The following RSBN1L variants were observed in gnomAD, a reference collection of about 807,000 sequenced individuals.
RSBN1L encodes the protein lysine-specific demethylase RSBN1L.
In RSBN1L, 30 loss-of-function variants were observed where a neutral mutation model predicts 67.7. The ratio of observed to expected loss-of-function variants is 0.44; its 90% CI spans 0.33 to 0.60. The LOEUF (loss-of-function observed/expected upper bound fraction) is 0.60. Among genes scored for constraint, RSBN1L ranks in the 20% least tolerant of loss-of-function variants. The pLI is 0.02. For missense variants in RSBN1L, 992 were observed against 1,031.7 expected (o/e 0.96, Z 0.53); for synonymous variants, 433 against 387.0 (o/e 1.12, Z -1.39).
chr7:77,776,636 A>C (rs186954051), intron 6 of RSBN1L, among the ~76,000 whole-genome samples: 25 of 152,280 alleles, frequency 1.6e-4, no homozygotes, highest in African/African-American at 6.0e-4. Context: ...GTTATTCTTG[A>C]TGAATTGGCC....
intron 3 of RSBN1L, among the ~76,000 whole-genome samples, chr7:77,751,290 C>CCACCATGCCTG (rs148081411): frequency 0.18 from 26,598 of 151,816 alleles, 2,780 homozygotes; most frequent in African/African-American, 0.29. Flanking sequence ...CAGACATGCA[C>CCACCATGCCTG]CACCATGCCT....
intron 4 of RSBN1L, among the ~76,000 whole-genome samples, chr7:77,767,814 GC>G (rs1286510025): frequency 2.3e-5 from 1 of 42,640 alleles, no homozygotes; most frequent in Non-Finnish European, 4.3e-5. Context: ...CCCTTCCTCT[GC>G]CCCCTCCCCC....
chr7:77,748,528 C>G (rs1791513106), intron 2 of RSBN1L, among the ~76,000 whole-genome samples: 1 of 152,100 alleles, frequency 6.6e-6, no homozygotes, highest in Non-Finnish European at 1.5e-5. Flanking sequence ...CGCTGTGTCA[C>G]CCAGGCTGGA....
Position 77,751,844 on chromosome 7 carries a change from C to T in RSBN1L, c.1344+1780C>T, listed in dbSNP as rs115439239. 4.0e-3 allele frequency among the ~76,000 whole-genome samples: 612 copies of T among 152,256 alleles called. 7 individuals are homozygous for T. The highest frequency in any genetic ancestry group is 0.014 in the African/African-American group (597 of 41,538). On this transcript the variant is annotated intron_variant, in intron 3 of 7. Transcript: ENST00000334955. ...GTTTATTGCATGTCTCCTAAATGTCCGGTTTTCTATTGGGCCTCTTGGCTC... is the reference window on the plus strand; with the variant it reads ...GTTTATTGCATGTCTCCTAAATGTCTGGTTTTCTATTGGGCCTCTTGGCTC...
rs757741343 is a variant in RSBN1L, at chr7:77,696,989, G to T, written c.520G>T (p.Gly174Cys). The T allele has an allele frequency of 1.3e-6, 2 of 1,544,258 alleles. No homozygotes were observed. Among genetic ancestry groups the T allele is most frequent in the Non-Finnish European group, 1.7e-6 (2 of 1,152,532 alleles). The part of the protein sequence containing the change: ...REKERRRHGL[G>C]GAREAGGASR... ...GAAGGAGAGGAGGAGGCACGGTCTCGGTGGGGCCCGAGAGGCCGGCGGGGC... is the reference window on the plus strand; with the variant it reads ...GAAGGAGAGGAGGAGGCACGGTCTCTGTGGGGCCCGAGAGGCCGGCGGGGC... The change falls in exon 1 of 8, where the codon GGT (glycine) becomes TGT (cysteine). Residue 174 changes from glycine to cysteine, a missense_variant. Physicochemically the swap from Gly to Cys is radical, Grantham distance 159. Around this residue, in one of 7 missense-constraint regions of RSBN1L, gnomAD observed 575 missense variants for 483.2 expected, o/e 1.19. Transcript: ENST00000334955.
intron 6 of RSBN1L, among the ~76,000 whole-genome samples, chr7:77,777,676 A>G (rs932391632): frequency 2.0e-5 from 3 of 151,984 alleles, no homozygotes; most frequent in Non-Finnish European, 4.4e-5. Flanking sequence ...AAATTTAGTT[A>G]TGATTTGCCT....
In RSBN1L at chr7:77,779,652, T is replaced by G. The variant is rs1055115909; in HGVS notation, c.*484T>G. 1.3e-5 allele frequency: 2 copies of G among 152,158 alleles called. No individual in the cohort carries two copies. Among genetic ancestry groups the G allele is most frequent in the African/African-American group, 4.8e-5 (2 of 41,382 alleles). The allele number at this position is 152,158 out of a possible 1,614,324, so 9.4% of individuals were successfully genotyped here. A position where few individuals can be genotyped will look rare whatever the true frequency, so the allele number is the denominator to read the frequency against. On this transcript the variant is annotated 3_prime_UTR_variant, in exon 8 of 8. Coordinates refer to ENST00000334955, the MANE Select transcript of RSBN1L (RefSeq NM_198467.3). ...CACTTAATAAAGGTTCATATGTTCA[T>G]ATTAATAAATATGTTTTCTGTTGAG...
chr7:77,723,457 A>G (rs1423952251), intron 1 of RSBN1L, among the ~76,000 whole-genome samples: 4 of 152,118 alleles, frequency 2.6e-5, no homozygotes, highest in Non-Finnish European at 5.9e-5. Context: ...TACATATATA[A>G]TTTATTTTTT....
intron 1 of RSBN1L, among the ~76,000 whole-genome samples, chr7:77,721,588 G>A (rs1467493670): frequency 2.0e-5 from 3 of 152,270 alleles, no homozygotes; most frequent in African/African-American, 4.8e-5. Context: ...TAGGATTTGG[G>A]CAGGAGGAAT....
intron 1 of RSBN1L, among the ~76,000 whole-genome samples, chr7:77,725,795 G>T (rs552455552): frequency 3.9e-4 from 59 of 151,284 alleles, no homozygotes; most frequent in African/African-American, 1.3e-3. Context: ...TCTCCATGTT[G>T]GTCAGGTTGG....
Position 77,696,697 on chromosome 7 carries a change from G to T in RSBN1L, c.228G>T (p.Ser76=), listed in dbSNP as rs751612900. ...SRQLQPPAAP[S]PQSYGSPASW... is the part of the protein sequence containing the mutation. ...AGCTGCAGCCGCCGGCAGCACCTTC[G>T]CCTCAGAGCTATGGCAGCCCCGCGT... Residue 76 remains serine (S), a synonymous_variant, in exon 1 of 8, where the codon TCG becomes TCT. Transcript: ENST00000334955. The T allele has an allele frequency of 6.2e-7, 1 of 1,612,878 alleles. No homozygotes were observed. The highest frequency in any genetic ancestry group is 1.1e-5 in the South Asian group (1 of 91,052).
chr7:77,745,932 G>A (rs1791478184), intron 2 of RSBN1L, among the ~76,000 whole-genome samples: 1 of 152,046 alleles, frequency 6.6e-6, no homozygotes, highest in African/African-American at 2.4e-5. Flanking sequence ...TTCATAATAG[G>A]GTTCACCCTC....
intron 3 of RSBN1L, among the ~76,000 whole-genome samples, chr7:77,764,544 C>A (rs964182481): frequency 6.6e-6 from 1 of 152,044 alleles, no homozygotes; most frequent in African/African-American, 2.4e-5. Flanking sequence ...GCTCAAGGAA[C>A]GCAAATGATT....
chr7:77,727,820 T>C (rs1167304529), intron 1 of RSBN1L, among the ~76,000 whole-genome samples: 3 of 152,170 alleles, frequency 2.0e-5, no homozygotes, highest in Admixed American at 2.0e-4. Flanking sequence ...TCCACATACC[T>C]TAGTTAAAAC....
At chr7:77,761,309 C>T (rs764748625) in intron 3 of RSBN1L, among the ~76,000 whole-genome samples, 1 of 152,080 alleles carries the variant, frequency 6.6e-6, no homozygotes, top group Admixed American at 6.5e-5. Flanking sequence ...AGAGTAGTTA[C>T]GATTGTGCCT....
chr7:77,768,464 T>C lies in RSBN1L; in HGVS notation c.1483-197T>C, dbSNP rs1791803621. 4 of 538,282 alleles carry C rather than the reference T, an allele frequency of 7.4e-6. No individual in the cohort carries two copies. In the Admixed American group the frequency reaches 1.2e-4, roughly 17 times the overall value. The allele number at this position is 538,282 out of a possible 1,614,324, so 33.3% of individuals were successfully genotyped here. On this transcript the variant is annotated intron_variant, in intron 4 of 7. Coordinates refer to ENST00000334955, the MANE Select transcript of RSBN1L (RefSeq NM_198467.3). ...CAGAACCATCCAAGCATAATTATTT[T>C]CTTGGTGTGTTTGAAACAGTTTTTT...
intron 1 of RSBN1L, 34 bp downstream of exon 1, chr7:77,697,089 G>A: frequency 7.4e-7 from 1 of 1,347,434 alleles, no homozygotes; most frequent in Non-Finnish European, 9.5e-7. Flanking sequence ...AGGGGAGGGC[G>A]CCGTGGGTCC....
chr7:77,756,469 C>A (rs768982259), intron 3 of RSBN1L, among the ~76,000 whole-genome samples: 2 of 151,920 alleles, frequency 1.3e-5, no homozygotes, highest in Non-Finnish European at 2.9e-5. Context: ...TTGGAAAATA[C>A]ATTTAGCAGC....
At chr7:77,761,196 A>C (rs1278139127) in intron 3 of RSBN1L, among the ~76,000 whole-genome samples, 1 of 152,206 alleles carries the variant, frequency 6.6e-6, no homozygotes, top group Admixed American at 6.5e-5. Flanking sequence ...TTGGTTTGTC[A>C]TTATGATACA....
Sources: gnomAD v4.1 joint callset for allele counts (sites outside exome capture counted in the v4.1 genomes callset) on GRCh38, gnomAD v4.1.1 for gene constraint, gnomAD v4.1.1 regional missense constraint, MANE v1.5 for transcripts, NCBI Gene and HGNC (gene_info 2026-07-23, HGNC 2026-07-21) for gene names.